Variants in AGO1 observed in about 807,000 individuals in gnomAD.
The protein encoded by AGO1 is argonaute RISC component 1, also known as protein argonaute-1.
Under a neutral mutation model 109.2 loss-of-function variants are expected in AGO1, and 11 were observed. The ratio of observed to expected loss-of-function variants is 0.10; its 90% confidence interval spans 0.06 to 0.17. The LOEUF (loss-of-function observed/expected upper bound fraction) is 0.17. Among genes scored for constraint, AGO1 ranks in the 10% least tolerant of loss-of-function variants. The pLI is 1.00. For synonymous variants in AGO1, 422 were observed against 418.6 expected (o/e 1.01, Z -0.10); for missense variants, 574 against 1,140.3 (o/e 0.50, Z 7.15).
Position 35,920,432 on chromosome 1 carries a change from T to C in AGO1, c.*825T>C, listed in dbSNP as rs1645810809. Reference sequence around the variant, plus strand: ...AGAACTGCAACCTTTTGTACCTTTCTTTGGGGAATGGGGTGGGGGTGGGAG... The same window carrying C: ...AGAACTGCAACCTTTTGTACCTTTCCTTGGGGAATGGGGTGGGGGTGGGAG... On this transcript the variant is annotated 3_prime_UTR_variant, in exon 19 of 19. Transcript: ENST00000373204. The C allele has an allele frequency of 6.6e-6, 1 of 152,316 alleles. No individual in the cohort carries two copies. The allele number at this position is 152,316 out of a possible 1,614,324, so 9.4% of individuals were successfully genotyped here. A position where few individuals can be genotyped will look rare whatever the true frequency, so the allele number is the denominator to read the frequency against.
At position 35,901,572 on chromosome 1, in the gene AGO1, A is replaced by G. The variant is rs1645416806; in HGVS notation, c.1119A>G (p.Arg373=). ...CCACAGCTAGATCCGCTCCAGACAG[A>G]CAGGAGGAGATCAGTCGCCTGGTCA... ...IKATARSAPD[R]QEEISRLMKN... Residue 373 remains arginine (R), a synonymous_variant, in exon 9 of 19, where the codon AGA becomes AGG. Transcript: ENST00000373204. The surrounding 1 kb of genome is among the most constrained non-coding windows in gnomAD (Gnocchi z 4.8). 6.2e-7 allele frequency: 1 copy of G among 1,614,192 alleles called. No homozygotes were observed.
In AGO1 at chr1:35,901,736, C is replaced by A; in HGVS notation, c.1140+143C>A. 2.2e-6 allele frequency: 3 copies of A among 1,387,550 alleles called. No homozygotes were observed. The highest frequency in any genetic ancestry group is 2.3e-5 in the East Asian group (1 of 43,006). The allele number at this position is 1,387,550 out of a possible 1,614,324, so 86.0% of individuals were successfully genotyped here. The stretch of plus-strand genomic sequence containing the variant: ...TATAAGGCTGCTTTTGCTTCTTGAC[C>A]GTATAGCTACTTTGCTTTCTGTCTC... On this transcript the variant is annotated intron_variant, in intron 9 of 18. Coordinates refer to ENST00000373204, the MANE Select transcript of AGO1 (RefSeq NM_012199.5). This position sits in a 1 kb window ranked among gnomAD's most constrained non-coding sequence, Gnocchi z 4.8.
chr1:35,910,832 A>G (rs985018909), intron 12 of AGO1, among the ~76,000 whole-genome samples: 14 of 152,192 alleles, frequency 9.2e-5, no homozygotes, highest in Non-Finnish European at 1.2e-4. Context: ...TGGGAGGCCA[A>G]GGCAAGTGGA....
At chr1:35,871,407 G>A (rs898842076) in intron 1 of AGO1, among the ~76,000 whole-genome samples, 5 of 151,694 alleles carry the variant, frequency 3.3e-5, no homozygotes, top group Non-Finnish European at 7.4e-5. Context: ...GCCGGGTATG[G>A]TGGCGCACAC....
In AGO1 at chr1:35,895,248, G is replaced by T; in HGVS notation, c.999G>T (p.Lys333Asn). Residue 333 changes from lysine (K) to asparagine (N), a missense_variant, in exon 8 of 19, where the codon AAG becomes AAT. Lys to Asn is a moderately conservative substitution (Grantham distance 94). Around this residue, in one of 8 missense-constraint regions of AGO1, gnomAD observed 42 missense variants for 142.4 expected, o/e 0.29. Coordinates refer to ENST00000373204, the MANE Select transcript of AGO1 (RefSeq NM_012199.5). ...LPCLQVGQEQ[K>N]HTYLPLEVCN... ...GCCTACAAGTTGGCCAGGAACAAAA[G>T]CATACCTACCTTCCCCTAGAGGTGA... The T allele has an allele frequency of 1.2e-6, 2 of 1,613,740 alleles. No individual in the cohort carries two copies. The highest frequency in any genetic ancestry group is 1.1e-5 in the South Asian group (1 of 91,038).
chr1:35,919,391 G>A lies in AGO1; in HGVS notation c.2466-108G>A. 1.4e-6 allele frequency: 2 copies of A among 1,466,418 alleles called. No homozygotes were observed. The highest frequency in any genetic ancestry group is 1.9e-6 in the Non-Finnish European group (2 of 1,077,286). The allele number at this position is 1,466,418 out of a possible 1,614,324, so 90.8% of individuals were successfully genotyped here. On this transcript the variant is annotated intron_variant, in intron 18 of 18. Coordinates refer to ENST00000373204, the MANE Select transcript of AGO1 (RefSeq NM_012199.5). This position sits in a 1 kb window ranked among gnomAD's most constrained non-coding sequence, Gnocchi z 6.6. ...GCTCGTCTGCCCAATCCTGGGTTGG[G>A]TTTCTCTCTTAAGTTGGTATGGGAA...
At chr1:35,878,412 A>G (rs1225522980), upstream of AGO1, among the ~76,000 whole-genome samples, 1 of 152,104 alleles carries the variant, frequency 6.6e-6, no homozygotes, top group East Asian at 1.9e-4. Flanking sequence ...ACATAGCTAA[A>G]AGAAATTCTA....
Position 35,901,866 on chromosome 1 carries a change from A to G in AGO1, c.1141-82A>G. On this transcript the variant is annotated intron_variant, in intron 9 of 18. Coordinates refer to ENST00000373204, the MANE Select transcript of AGO1 (RefSeq NM_012199.5). The surrounding 1 kb of genome is among the most constrained non-coding windows in gnomAD (Gnocchi z 4.8). ...TCCGTACCAACCCCAGCTTCTCCTT[A>G]GGGTTCTCTCCTTGATACCCAGAGG... 1 of 1,508,770 alleles carries G rather than the reference A, an allele frequency of 6.6e-7. No individual in the cohort carries two copies. Among genetic ancestry groups the G allele is most frequent in the Non-Finnish European group, 8.9e-7 (1 of 1,125,774 alleles). The allele number at this position is 1,508,770 out of a possible 1,614,324, so 93.5% of individuals were successfully genotyped here.
In AGO1 at chr1:35,893,042, G is replaced by C; in HGVS notation, c.331-55G>C. 6.6e-7 allele frequency: 1 copy of C among 1,516,140 alleles called. No homozygotes were observed. The highest frequency in any genetic ancestry group is 1.4e-5 in the African/African-American group (1 of 73,028). The allele number at this position is 1,516,140 out of a possible 1,614,324, so 93.9% of individuals were successfully genotyped here. ...TCTCAGCAAATCCATGGAGTTGGGGGTCATTCTCGCAGAGCAATGGCAATC... is the reference window on the plus strand; with the variant it reads ...TCTCAGCAAATCCATGGAGTTGGGGCTCATTCTCGCAGAGCAATGGCAATC... On this transcript the variant is annotated intron_variant, in intron 3 of 18. Transcript: ENST00000373204. This position sits in a 1 kb window ranked among gnomAD's most constrained non-coding sequence, Gnocchi z 5.6.
chr1:35,913,528 C>G (rs1645679885), intron 12 of AGO1, among the ~76,000 whole-genome samples: 1 of 152,182 alleles, frequency 6.6e-6, no homozygotes, highest in South Asian at 2.1e-4. Context: ...AACTCCCCCT[C>G]TCCTCTAAGT....
At chr1:35,869,956 GA>G (rs995891445) in intron 1 of AGO1, 13 of 152,234 alleles carry the variant, frequency 8.5e-5, no homozygotes, top group South Asian at 6.2e-4. Context: ...TAGCTGTGTT[GA>G]AAATGGGCTC....
At position 35,893,911 on chromosome 1, in the gene AGO1, C is replaced by T; in HGVS notation, c.649+101C>T. On this transcript the variant is annotated intron_variant, in intron 5 of 18. Transcript: ENST00000373204. The surrounding 1 kb of genome is among the most constrained non-coding windows in gnomAD (Gnocchi z 5.6). ...CTGCAACCACACTCCTAGTCTAATT[C>T]CTACAGCCCTGGCACCCCCTTCCCC... 1.3e-6 allele frequency: 2 copies of T among 1,532,950 alleles called. No homozygotes were observed. The highest frequency in any genetic ancestry group is 2.5e-5 in the South Asian group (2 of 79,924). 95.0% of individuals were successfully genotyped at this position (1,532,950 alleles called of 1,614,324 possible). A position where few individuals can be genotyped will look rare whatever the true frequency, so the allele number is the denominator to read the frequency against.
chr1:35,879,098 A>G (rs1185201825), upstream of AGO1, among the ~76,000 whole-genome samples: 2 of 152,216 alleles, frequency 1.3e-5, no homozygotes, highest in African/African-American at 2.4e-5. Context: ...GAAGGAGCCA[A>G]TAGGTTTGGT....
intron 1 of AGO1, among the ~76,000 whole-genome samples, chr1:35,877,233 G>A (rs1026061399): frequency 6.6e-6 from 1 of 152,146 alleles, no homozygotes; most frequent in African/African-American, 2.4e-5. Flanking sequence ...GCTAGGGAGC[G>A]AATGGGCAGA....
intron 1 of AGO1, among the ~76,000 whole-genome samples, chr1:35,886,223 C>T (rs1293884366): frequency 6.6e-6 from 1 of 152,174 alleles, no homozygotes; most frequent in Non-Finnish European, 1.5e-5. Flanking sequence ...GGGCCCTCAT[C>T]TGCATCACAA....
In AGO1 at chr1:35,893,235, G is replaced by A. The variant is rs1398998653; in HGVS notation, c.469G>A (p.Val157Met). The change falls in exon 4 of 19, where the codon GTG becomes ATG. Residue 157 changes from valine to methionine, a missense_variant. Val to Met is a conservative substitution (Grantham distance 21). Around this residue, in one of 8 missense-constraint regions of AGO1, gnomAD observed 129 missense variants for 243.0 expected, o/e 0.53. Transcript: ENST00000373204. This position sits in a 1 kb window ranked among gnomAD's most constrained non-coding sequence, Gnocchi z 5.6. ...SGQIPVPLES[V>M]QALDVAMRHL... ...CCAGATCCCTGTTCCCTTGGAGTCTGTGCAAGCCCTGGATGTGGCCATGAG... is the reference window on the plus strand; with the variant it reads ...CCAGATCCCTGTTCCCTTGGAGTCTATGCAAGCCCTGGATGTGGCCATGAG... 3 of 1,613,992 alleles carry A rather than the reference G, an allele frequency of 1.9e-6. No homozygotes were observed. The highest frequency in any genetic ancestry group is 8.5e-7 in the Non-Finnish European group (1 of 1,180,006).
chr1:35,912,571 A>T (rs1225034599), intron 12 of AGO1, among the ~76,000 whole-genome samples: 1 of 151,588 alleles, frequency 6.6e-6, no homozygotes, highest in Non-Finnish European at 1.5e-5. Flanking sequence ...ATTTTATTTT[A>T]TTTTTTTATT....
intron 11 of AGO1, among the ~76,000 whole-genome samples, chr1:35,903,048 C>T (rs1283073404): frequency 6.7e-6 from 1 of 148,842 alleles, no homozygotes; most frequent in Non-Finnish European, 1.5e-5. Flanking sequence ...CTCTGTCACC[C>T]ATGCTGGAGT....
chr1:35,922,675 C>G lies in AGO1; in HGVS notation c.*3068C>G, dbSNP rs1389894962. ...AATCTCTGCATGGCTGCAATGATCCCACTGTTAGCTGGCAGGGTCAGGCTT... is the reference window on the plus strand; with the variant it reads ...AATCTCTGCATGGCTGCAATGATCCGACTGTTAGCTGGCAGGGTCAGGCTT... On this transcript the variant is annotated 3_prime_UTR_variant, in exon 19 of 19. Transcript: ENST00000373204. The G allele has an allele frequency of 6.6e-6, 1 of 152,390 alleles. No individual in the cohort carries two copies. Among genetic ancestry groups the G allele is most frequent in the Non-Finnish European group, 1.5e-5 (1 of 68,184 alleles). The allele number at this position is 152,390 out of a possible 1,614,324, so 9.4% of individuals were successfully genotyped here.
Sources: allele counts gnomAD v4.1 joint callset (sites outside exome capture counted in the v4.1 genomes callset), GRCh38; gene constraint gnomAD v4.1.1; regional missense constraint gnomAD v4.1.1; non-coding constraint Gnocchi (gnomAD v3.1); transcripts MANE v1.5; gene names NCBI Gene and HGNC (gene_info 2026-07-23, HGNC 2026-07-21).